The following BBS12 variants were observed in gnomAD, a reference collection of about 807,000 sequenced individuals.
The protein encoded by BBS12 is chaperonin-containing T-complex member BBS12.
Under a neutral mutation model 5.6 loss-of-function variants are expected in BBS12, and 5 were observed. That is an observed-to-expected ratio of 0.89 (90% confidence interval 0.46 to 1.86). BBS12 has a LOEUF of 1.86. BBS12 is among the 40% of genes most tolerant of loss of function. BBS12 has a pLI of 0.01. For synonymous variants in BBS12, 308 were observed against 306.8 expected (o/e 1.00, Z -0.04); for missense variants, 748 against 830.4 (o/e 0.90, Z 1.22).
the BBS12 span, among the ~76,000 whole-genome samples, chr4:122,716,602 C>CACATATGTATATAT: frequency 3.9e-5 from 4 of 103,388 alleles, no homozygotes; most frequent in African/African-American, 1.6e-4. Context: ...TGTATGTATA[C>CACATATGTATATAT]ACACATGTGT....
At chr4:122,727,843 AC>A (rs1265301657), upstream of BBS12, among the ~76,000 whole-genome samples, 1 of 152,032 alleles carries the variant, frequency 6.6e-6, no homozygotes, top group Non-Finnish European at 1.5e-5. Context: ...GTGCCCAGCC[AC>A]AAACCAATAA....
intron 1 of BBS12, among the ~76,000 whole-genome samples, chr4:122,741,157 G>A (rs1330040715): frequency 2.0e-5 from 3 of 152,062 alleles, no homozygotes. Flanking sequence ...AGCTTCATCT[G>A]CTACTGTTCT....
At chr4:122,726,254 G>A in the BBS12 span, among the ~76,000 whole-genome samples, 1 of 152,162 alleles carries the variant, frequency 6.6e-6, no homozygotes, top group East Asian at 1.9e-4. Context: ...ATCAAAAAGT[G>A]GGCTAAGGAC....
chr4:122,705,254 G>T, the BBS12 span, among the ~76,000 whole-genome samples: 2 of 152,190 alleles, frequency 1.3e-5, no homozygotes, highest in Non-Finnish European at 2.9e-5. Context: ...AGACACGTGA[G>T]TCATATAAAT....
At chr4:122,733,183 T>C (rs1219604310) in intron 1 of BBS12, among the ~76,000 whole-genome samples, 1 of 152,190 alleles carries the variant, frequency 6.6e-6, no homozygotes. Flanking sequence ...ACCAGAATTC[T>C]GTATAGCAGT....
chr4:122,742,448 A>G lies in BBS12; in HGVS notation c.556A>G (p.Ile186Val). The G allele has an allele frequency of 6.2e-7, 1 of 1,614,166 alleles. No homozygotes were observed. The highest frequency in any genetic ancestry group is 8.5e-7 in the Non-Finnish European group (1 of 1,180,026). The change falls in exon 2 of 2, where the codon ATT (isoleucine) becomes GTT (valine). Residue 186 changes from isoleucine (I) to valine (V), a missense_variant. Ile to Val is a conservative substitution (Grantham distance 29). Coordinates refer to ENST00000314218, the MANE Select transcript of BBS12 (RefSeq NM_152618.3). ...LKDVASQTLT[I>V]SNLSGRPLKS... is the part of the protein sequence containing the mutation. Reference sequence around the variant, plus strand: ...AGATGTTGCCTCTCAAACACTGACCATTTCCAACCTTTCTGGGAGACCTCT... The same window carrying G: ...AGATGTTGCCTCTCAAACACTGACCGTTTCCAACCTTTCTGGGAGACCTCT...
At chr4:122,731,352 T>A (rs1178342423), upstream of BBS12, 1 of 152,208 alleles carries the variant, frequency 6.6e-6, no homozygotes, top group African/African-American at 2.4e-5. Context: ...TATAGCCTCA[T>A]TATTTCCTGA....
In BBS12 at chr4:122,742,120, A is replaced by G. The variant is rs1288902401; in HGVS notation, c.228A>G (p.Ala76=). Residue 76 remains alanine (A), a synonymous_variant, in exon 2 of 2, where the codon GCA becomes GCG. Coordinates refer to ENST00000314218, the MANE Select transcript of BBS12 (RefSeq NM_152618.3). The stretch of plus-strand genomic sequence containing the variant: ...AACTTCTCAATGAAGCAGTTCAAGC[A>G]CAAAACAACACATATAGAACTGGAA... ...VGQLLNEAVQ[A]QNNTYRTGIS... 1.2e-6 allele frequency: 2 copies of G among 1,614,044 alleles called. No individual in the cohort carries two copies. Among genetic ancestry groups the G allele is most frequent in the African/African-American group, 2.7e-5 (2 of 74,934 alleles).
the BBS12 span, among the ~76,000 whole-genome samples, chr4:122,725,713 A>T: frequency 6.6e-6 from 1 of 152,094 alleles, no homozygotes; most frequent in Non-Finnish European, 1.5e-5. Context: ...CCTGGCCAAC[A>T]TGGTGAAACC....
chr4:122,703,701 A>G, the BBS12 span, among the ~76,000 whole-genome samples: 5 of 152,208 alleles, frequency 3.3e-5, no homozygotes, highest in African/African-American at 1.2e-4. Context: ...GTTCCTAGCT[A>G]GCTCTACTTG....
chr4:122,721,949 A>G, the BBS12 span, among the ~76,000 whole-genome samples: 1 of 152,232 alleles, frequency 6.6e-6, no homozygotes, highest in African/African-American at 2.4e-5. Context: ...GAGTTTCAAC[A>G]AATTTCAAAG....
chr4:122,735,173 A>G (rs1031232838), intron 1 of BBS12, among the ~76,000 whole-genome samples: 1 of 152,242 alleles, frequency 6.6e-6, no homozygotes, highest in Non-Finnish European at 1.5e-5. Flanking sequence ...ACCCCAGGGC[A>G]TTAGAGAAGT....
chr4:122,707,054 C>CTCTCTTTTT, the BBS12 span, among the ~76,000 whole-genome samples: 4 of 72,250 alleles, frequency 5.5e-5, no homozygotes, highest in African/African-American at 6.4e-5. Flanking sequence ...CTCTCTCTCT[C>CTCTCTTTTT]TTTTTTTTTT....
upstream of BBS12, chr4:122,732,532 A>T (rs1433115648): frequency 6.6e-6 from 1 of 152,192 alleles, no homozygotes; most frequent in Non-Finnish European, 1.5e-5. Context: ...GGCCGCTCTC[A>T]CCGACCTCTC....
chr4:122,718,490 G>A, the BBS12 span, among the ~76,000 whole-genome samples: 2 of 152,138 alleles, frequency 1.3e-5, no homozygotes, highest in African/African-American at 2.4e-5. Context: ...AATTCCTGCA[G>A]GGTTGGAAAG....
At chr4:122,713,911 G>A in the BBS12 span, among the ~76,000 whole-genome samples, 32 of 152,208 alleles carry the variant, frequency 2.1e-4, no homozygotes, top group African/African-American at 7.5e-4. Context: ...TTGCTGGTGG[G>A]TATGTAAATT....
chr4:122,734,986 G>A (rs1800764367), intron 1 of BBS12, among the ~76,000 whole-genome samples: 1 of 152,136 alleles, frequency 6.6e-6, no homozygotes, highest in Admixed American at 6.5e-5. Context: ...CAACTACTGG[G>A]TGAGTTCGAA....
the BBS12 span, among the ~76,000 whole-genome samples, chr4:122,710,941 A>G: frequency 1.3e-5 from 2 of 152,204 alleles, no homozygotes; most frequent in Non-Finnish European, 2.9e-5. Context: ...TCCAGCATAG[A>G]ACATGATTGA....
intron 1 of BBS12, among the ~76,000 whole-genome samples, chr4:122,735,654 G>A (rs1488964637): frequency 6.6e-6 from 1 of 152,010 alleles, no homozygotes; most frequent in Non-Finnish European, 1.5e-5. Context: ...TTAAATTTGG[G>A]GGAACAAATA....
Sources: gnomAD v4.1 joint callset for allele counts (sites outside exome capture counted in the v4.1 genomes callset) on GRCh38, gnomAD v4.1.1 for gene constraint, MANE v1.5 for transcripts, NCBI Gene and HGNC (gene_info 2026-07-23, HGNC 2026-07-21) for gene names.